The following DYNC2H1 variants were observed in gnomAD, a reference collection of about 807,000 sequenced individuals.
The protein encoded by DYNC2H1 is dynein cytoplasmic 2 heavy chain 1.
DYNC2H1 carries 410 observed loss-of-function variants against 570.0 expected under a neutral mutation model. The ratio of observed to expected loss-of-function variants is 0.72; its 90% CI spans 0.66 to 0.78. The LOEUF (loss-of-function observed/expected upper bound fraction) is 0.78, where lower values mean the gene tolerates loss of function less well. Among genes scored for constraint, DYNC2H1 ranks in the 30% least tolerant of loss-of-function variants. The pLI, the probability that DYNC2H1 is intolerant of heterozygous loss-of-function variation, is 0.00. For missense variants in DYNC2H1, 4,865 were observed against 5,046.4 expected (o/e 0.96, Z 1.09); for synonymous variants, 1,688 against 1,677.6 (o/e 1.01, Z -0.15).
Position 103,364,052 on chromosome 11 carries a change from T to C in DYNC2H1, c.12156+5693T>C, listed in dbSNP as rs12223950. On this transcript the variant is annotated intron_variant, in intron 83 of 88. Coordinates refer to ENST00000375735, the MANE Select transcript of DYNC2H1 (RefSeq NM_001377.3). ...GCTATTCTAGATATCTGACAGAGAATGATGAAAAGGAAATGACCAAAGAAA... is the reference window on the plus strand; with the variant it reads ...GCTATTCTAGATATCTGACAGAGAACGATGAAAAGGAAATGACCAAAGAAA... 1.3e-4 allele frequency among the ~76,000 whole-genome samples: 20 copies of C among 152,208 alleles called. No individual in the cohort carries two copies. In the East Asian group the frequency reaches 3.7e-3, roughly 28 times the overall value.
At chr11:103,407,730 T>C (rs540354078) in intron 84 of DYNC2H1, 1 of 152,048 alleles carries the variant, frequency 6.6e-6, no homozygotes, top group East Asian at 1.9e-4. Context: ...AGAGGGCAAA[T>C]GAACCTGCAG....
At chr11:103,404,968 G>A (rs1942798378) in intron 84 of DYNC2H1, 1 of 151,906 alleles carries the variant, frequency 6.6e-6, no homozygotes. Flanking sequence ...TGTTCCTACT[G>A]TAAATATATG....
chr11:103,184,256 T>G (rs959941408), intron 40 of DYNC2H1, among the ~76,000 whole-genome samples: 1 of 151,956 alleles, frequency 6.6e-6, no homozygotes, highest in Non-Finnish European at 1.5e-5. Context: ...CCCTGTTTAT[T>G]CCAGCTTTTA....
intron 66 of DYNC2H1, among the ~76,000 whole-genome samples, chr11:103,253,886 A>G (rs970793513): frequency 1.3e-5 from 2 of 152,108 alleles, no homozygotes; most frequent in African/African-American, 4.8e-5. Context: ...TTTGAAGTCA[A>G]TTTATCTTCA....
intron 28 of DYNC2H1, among the ~76,000 whole-genome samples, chr11:103,160,374 T>C (rs1205969155): frequency 2.6e-5 from 4 of 152,120 alleles, no homozygotes; most frequent in African/African-American, 7.2e-5. Context: ...ATAAAGCTGT[T>C]GTAAACAATC....
rs545399349 is a variant in DYNC2H1 at position 103,361,833 on chromosome 11, T to C, written c.12156+3474T>C. 1.3e-3 allele frequency among the ~76,000 whole-genome samples: 191 copies of C among 152,278 alleles called. 1 individual carries two copies. The highest frequency in any genetic ancestry group is 3.4e-3 in the Middle Eastern group (1 of 294). On this transcript the variant is annotated intron_variant, in intron 83 of 88. Coordinates refer to ENST00000375735, the MANE Select transcript of DYNC2H1 (RefSeq NM_001377.3). ...TGAAGACTGTGTTACCATAGAAACC[T>C]TGAGGAATCTTTAGTTAGGAATGAA...
In DYNC2H1 at chr11:103,399,735, A is replaced by G. The variant is rs893162827; in HGVS notation, c.12229A>G (p.Ile4077Val). The change falls in exon 84 of 89, where the codon ATT becomes GTT. Residue 4077 changes from isoleucine (I) to valine (V), a missense_variant. Coordinates refer to ENST00000375735, the MANE Select transcript of DYNC2H1 (RefSeq NM_001377.3). ...RQGSPILSFI[I>V]LEQFNAIRLV... The stretch of plus-strand genomic sequence containing the variant: ...AGGATCTCCAATACTGTCATTCATC[A>G]TTCTTGAACAATTTAATGCTATTCG... 1 of 1,613,890 alleles carries G rather than the reference A, an allele frequency of 6.2e-7. No homozygotes were observed.
In DYNC2H1 at chr11:103,245,393, C is replaced by T; in HGVS notation, c.10042+19C>T. 6.4e-7 allele frequency: 1 copy of T among 1,556,462 alleles called. No homozygotes were observed. Among genetic ancestry groups the T allele is most frequent in the South Asian group, 1.2e-5 (1 of 80,696 alleles). ...GCTCAAGGTAAATAATTGACACTTT[C>T]CAGAGTGTAAATATTTTTAAAATTT... On this transcript the variant is annotated intron_variant, in intron 65 of 88. Transcript: ENST00000375735. The surrounding 1 kb of genome is among the most constrained non-coding windows in gnomAD (Gnocchi z 4.5).
chr11:103,234,021 A>G lies in DYNC2H1; in HGVS notation c.9441-13A>G. On this transcript the variant is annotated splice_polypyrimidine_tract_variant and intron_variant, in intron 60 of 88. Coordinates refer to ENST00000375735, the MANE Select transcript of DYNC2H1 (RefSeq NM_001377.3). Reference sequence around the variant, plus strand: ...TCCTTTTTGCTTTTAATTAAATTTTAATGTTTACATAGATTTCAGAGCAGG... The same window carrying G: ...TCCTTTTTGCTTTTAATTAAATTTTGATGTTTACATAGATTTCAGAGCAGG... 1 of 1,544,696 alleles carries G rather than the reference A, an allele frequency of 6.5e-7. No homozygotes were observed. Among genetic ancestry groups the G allele is most frequent in the Non-Finnish European group, 8.7e-7 (1 of 1,144,226 alleles).
chr11:103,296,248 A>T (rs1464532947), intron 75 of DYNC2H1, among the ~76,000 whole-genome samples: 3 of 152,058 alleles, frequency 2.0e-5, no homozygotes. Flanking sequence ...CCTGAAGGGG[A>T]CAATTGCTGG....
intron 63 of DYNC2H1, among the ~76,000 whole-genome samples, chr11:103,240,211 C>T (rs1383242830): frequency 6.6e-6 from 1 of 152,134 alleles, no homozygotes; most frequent in African/African-American, 2.4e-5. Flanking sequence ...GATGGGTTCT[C>T]TTTACCCTTT....
At chr11:103,132,217 C>G (rs539203145) in intron 13 of DYNC2H1, among the ~76,000 whole-genome samples, 1 of 152,130 alleles carries the variant, frequency 6.6e-6, no homozygotes, top group East Asian at 1.9e-4. Flanking sequence ...TACATAAACT[C>G]TCTTGATTTT....
chr11:103,351,086 T>A (rs1336317304), intron 82 of DYNC2H1, among the ~76,000 whole-genome samples: 2 of 152,196 alleles, frequency 1.3e-5, no homozygotes, highest in Admixed American at 6.5e-5. Flanking sequence ...TTTTAAATGA[T>A]TCTGTGGGTT....
intron 20 of DYNC2H1, among the ~76,000 whole-genome samples, chr11:103,149,034 G>A (rs958719929): frequency 6.6e-6 from 1 of 152,148 alleles, no homozygotes; most frequent in Non-Finnish European, 1.5e-5. Flanking sequence ...TCCAGCCTGG[G>A]TGACAGAGCG....
chr11:103,342,433 C>A (rs1287076243), intron 82 of DYNC2H1, among the ~76,000 whole-genome samples: 1 of 152,080 alleles, frequency 6.6e-6, no homozygotes, highest in East Asian at 1.9e-4. Context: ...CAGTCCCCTT[C>A]CACAACGTGG....
chr11:103,182,230 CAT>C (rs1861880367), intron 40 of DYNC2H1, among the ~76,000 whole-genome samples: 1 of 150,326 alleles, frequency 6.7e-6, no homozygotes, highest in Admixed American at 6.7e-5. Flanking sequence ...ATATATATGA[CAT>C]ATGTATATAT....
At chr11:103,456,046 AAAAG>A (rs1190235442) in intron 86 of DYNC2H1, among the ~76,000 whole-genome samples, 1 of 152,148 alleles carries the variant, frequency 6.6e-6, no homozygotes, top group Non-Finnish European at 1.5e-5. Context: ...AAAAATGAAA[AAAAG>A]AAAGGCCTTA....
intron 70 of DYNC2H1, among the ~76,000 whole-genome samples, chr11:103,278,786 C>T (rs369075637): frequency 7.9e-5 from 12 of 152,038 alleles, no homozygotes; most frequent in East Asian, 3.9e-4. Context: ...AGGCTGGTCT[C>T]GAACTCCTGA....
chr11:103,247,283 C>T (rs757006849), intron 65 of DYNC2H1, among the ~76,000 whole-genome samples: 4 of 151,980 alleles, frequency 2.6e-5, no homozygotes, highest in Non-Finnish European at 4.4e-5. Context: ...GACAGCTAAA[C>T]ATTTGTGGTT....
Sources: allele counts gnomAD v4.1 joint callset (sites outside exome capture counted in the v4.1 genomes callset), GRCh38; gene constraint gnomAD v4.1.1; non-coding constraint Gnocchi (gnomAD v3.1); transcripts MANE v1.5; gene names NCBI Gene and HGNC (gene_info 2026-07-23, HGNC 2026-07-21).